PPL: variants seen among roughly 807,000 people sequenced by gnomAD.
PPL encodes 190 kDa paraneoplastic pemphigus antigen.
In PPL, 198 loss-of-function variants were observed where a neutral mutation model predicts 194.4. The observed-to-expected ratio is 1.02, with a 90% CI of 0.91 to 1.15. The LOEUF (loss-of-function observed/expected upper bound fraction) is 1.15, where lower values mean the gene tolerates loss of function less well. Among genes scored for constraint, PPL ranks in the 50% most tolerant of loss-of-function variants. The pLI is 0.00. For synonymous variants in PPL, 1,220 were observed against 972.4 expected (o/e 1.25, Z -4.74); for missense variants, 2,885 against 2,294.8 (o/e 1.26, Z -5.25).
Position 4,883,312 on chromosome 16 carries a change from G to A in PPL, c.*72C>T, listed in dbSNP as rs1348473345. ...CCTGCACCAGGGCAAGGGAGAGGAC[G>A]ACACCAAGGAGGTCACTGCGTCGTA... On this transcript the variant is annotated 3_prime_UTR_variant, in exon 22 of 22. Coordinates refer to ENST00000345988, the MANE Select transcript of PPL (RefSeq NM_002705.5). The surrounding 1 kb of genome is among the most constrained non-coding windows in gnomAD (Gnocchi z 4.8). 53 of 1,594,982 alleles carry A rather than the reference G, an allele frequency of 3.3e-5. 1 individual carries two copies. Among genetic ancestry groups the A allele is most frequent in the South Asian group, 3.2e-4 (29 of 90,118 alleles).
chr16:4,931,798 C>A (rs984750160), intron 1 of PPL, among the ~76,000 whole-genome samples: 1 of 152,166 alleles, frequency 6.6e-6, no homozygotes, highest in African/African-American at 2.4e-5. Context: ...AGTCTCTCCC[C>A]CAAAATACCC....
At position 4,900,722 on chromosome 16, in the gene PPL, G is replaced by A. The variant is rs1473387427; in HGVS notation, c.606+108C>T. 8.1e-6 allele frequency: 12 copies of A among 1,483,178 alleles called. No homozygotes were observed. The South Asian group carries it at 9.6e-5, about 12-fold the overall frequency. The allele number at this position is 1,483,178 out of a possible 1,614,324, so 91.9% of individuals were successfully genotyped here. On this transcript the variant is annotated intron_variant, in intron 6 of 21. Transcript: ENST00000345988. ...CAAAGTGCTAGGCGTGAGCCACCAT[G>A]CCCAGCTGCCTATGTCATTTTTAAA...
chr16:4,902,292 A>G lies in PPL; in HGVS notation c.438+114T>C. ...ACACTGGAAAACCATCAGGACCACG[A>G]CTGTCTCCCTGGTAAGACCCGGGAT... On this transcript the variant is annotated intron_variant, in intron 4 of 21. Transcript: ENST00000345988. The surrounding 1 kb of genome is among the most constrained non-coding windows in gnomAD (Gnocchi z 4.0). The G allele has an allele frequency of 1.3e-6, 2 of 1,489,382 alleles. No individual in the cohort carries two copies. The highest frequency in any genetic ancestry group is 1.3e-5 in the South Asian group (1 of 76,154). The allele number at this position is 1,489,382 out of a possible 1,614,324, so 92.3% of individuals were successfully genotyped here.
At position 4,888,949 on chromosome 16, in the gene PPL, G is replaced by C. The variant is rs376522828; in HGVS notation, c.2397+29C>G. The stretch of plus-strand genomic sequence containing the variant: ...CGGTGGAATAAGACCCCTGCTGTTT[G>C]TGCTTTGGGCGGAAGTTTCCCGGCT... On this transcript the variant is annotated intron_variant, in intron 19 of 21. Transcript: ENST00000345988. 1.2e-5 allele frequency: 19 copies of C among 1,604,980 alleles called. No homozygotes were observed. In the African/African-American group the frequency reaches 2.0e-4, roughly 17 times the overall value.
chr16:4,936,567 C>T (rs1417252581), intron 1 of PPL, among the ~76,000 whole-genome samples: 1 of 152,210 alleles, frequency 6.6e-6, no homozygotes, highest in Non-Finnish European at 1.5e-5. Flanking sequence ...GGGTCGCCCG[C>T]AGCGACCCCG....
At position 4,892,031 on chromosome 16, in the gene PPL, C is replaced by T. The variant is rs2088329472; in HGVS notation, c.1829+4G>A. ...AACCTCCATGCTGCCTGTCTGCCAC[C>T]CACTTCTCCTGGGCCAAGTCCAGCA... On this transcript the variant is annotated splice_donor_region_variant and intron_variant, in intron 15 of 21. Transcript: ENST00000345988. 1 of 1,612,694 alleles carries T rather than the reference C, an allele frequency of 6.2e-7. No homozygotes were observed. The highest frequency in any genetic ancestry group is 8.5e-7 in the Non-Finnish European group (1 of 1,179,228).
Position 4,884,059 on chromosome 16 carries a change from C to G in PPL, c.4596G>C (p.Glu1532Asp). 6.2e-7 allele frequency: 1 copy of G among 1,613,362 alleles called. No homozygotes were observed. Among genetic ancestry groups the G allele is most frequent in the Non-Finnish European group, 8.5e-7 (1 of 1,180,010 alleles). Residue 1532 changes from glutamate to aspartate, a missense_variant, in exon 22 of 22, where the codon GAG (glutamate) becomes GAC (aspartate). Coordinates refer to ENST00000345988, the MANE Select transcript of PPL (RefSeq NM_002705.5). The surrounding 1 kb of genome is among the most constrained non-coding windows in gnomAD (Gnocchi z 5.7). ...SLEEESRSKRELDVEVSRLEA... is the reference protein window; with the variant it reads ...SLEEESRSKRDLDVEVSRLEA... ...CCAGCCGGCTCACCTCGACGTCCAG[C>G]TCGCGCTTGCTGCGGCTCTCCTCCT...
At chr16:4,904,547 G>A (rs1418520991) in intron 2 of PPL, among the ~76,000 whole-genome samples, 1 of 152,224 alleles carries the variant, frequency 6.6e-6, no homozygotes, top group Non-Finnish European at 1.5e-5. Context: ...GGAGACACAA[G>A]CTAAGAACAA....
Position 4,885,593 on chromosome 16 carries a change from C to T in PPL, c.3062G>A (p.Arg1021Lys), listed in dbSNP as rs776452155. 11 of 1,612,538 alleles carry T rather than the reference C, an allele frequency of 6.8e-6. No individual in the cohort carries two copies. Among genetic ancestry groups the T allele is most frequent in the Non-Finnish European group, 9.3e-6 (11 of 1,179,946 alleles). ...LQLREELEAL[R>K]RQKGAREAEV... is the part of the protein sequence containing the mutation. ...TGCCTCCCGGGCGCCCTTCTGCCGC[C>T]TCAGTGCCTCCAGCTCCTCCCGCAG... Residue 1021 changes from arginine to lysine, a missense_variant, in exon 22 of 22, where the codon AGG becomes AAG. By Grantham distance (26) the Arg-to-Lys change is conservative. Transcript: ENST00000345988. This position sits in a 1 kb window ranked among gnomAD's most constrained non-coding sequence, Gnocchi z 6.3.
chr16:4,911,713 C>A (rs531409732), intron 1 of PPL, among the ~76,000 whole-genome samples: 1 of 151,128 alleles, frequency 6.6e-6, no homozygotes, highest in Admixed American at 6.6e-5. Flanking sequence ...TTTTACATTT[C>A]TTTTGGTAGA....
At chr16:4,903,546 C>T (rs1433560060) in intron 3 of PPL, among the ~76,000 whole-genome samples, 2 of 151,970 alleles carry the variant, frequency 1.3e-5, no homozygotes, top group Admixed American at 6.6e-5. Flanking sequence ...ATGGAGAAAC[C>T]CTGTCTCTAC....
At chr16:4,909,425 T>C (rs1340380497) in intron 2 of PPL, among the ~76,000 whole-genome samples, 1 of 85,052 alleles carries the variant, frequency 1.2e-5, no homozygotes, top group Admixed American at 1.3e-4. Context: ...TGGTCCCACC[T>C]TTTTTTTTTT....
rs1234446707 is a variant in PPL at position 4,902,399 on chromosome 16, G to A, written c.438+7C>T. ...CCCTGGAGCCAGCGGCCCCGTCCAGGCCATACCAGCTTCTCCTCCACCAGT... is the reference window on the plus strand; with the variant it reads ...CCCTGGAGCCAGCGGCCCCGTCCAGACCATACCAGCTTCTCCTCCACCAGT... On this transcript the variant is annotated splice_region_variant and intron_variant, in intron 4 of 21. Coordinates refer to ENST00000345988, the MANE Select transcript of PPL (RefSeq NM_002705.5). The surrounding 1 kb of genome is among the most constrained non-coding windows in gnomAD (Gnocchi z 4.0). 2.5e-6 allele frequency: 4 copies of A among 1,613,658 alleles called. No homozygotes were observed. The highest frequency in any genetic ancestry group is 2.2e-5 in the East Asian group (1 of 44,888).
intron 1 of PPL, among the ~76,000 whole-genome samples, chr16:4,915,912 C>G (rs2088907406): frequency 6.6e-6 from 1 of 152,194 alleles, no homozygotes; most frequent in Non-Finnish European, 1.5e-5. Flanking sequence ...AGGCCCTTAA[C>G]AATTCCATGT....
chr16:4,891,868 C>G lies in PPL; in HGVS notation c.1911G>C (p.Gln637His), dbSNP rs2088325214. ...LLATHENHLN[Q>H]DDTVPESSRV... ...GGCTGCTCTCAGGCACTGTGTCATC[C>G]TGATTCAGATGGTTCTCGTGTGTGG... The change falls in exon 16 of 22, where the codon CAG (glutamine) becomes CAC (histidine). Residue 637 changes from glutamine (Q) to histidine (H), a missense_variant. Coordinates refer to ENST00000345988, the MANE Select transcript of PPL (RefSeq NM_002705.5). The G allele has an allele frequency of 1.2e-6, 2 of 1,613,516 alleles. No homozygotes were observed. Among genetic ancestry groups the G allele is most frequent in the African/African-American group, 1.3e-5 (1 of 74,928 alleles).
rs1200716920 is a variant in PPL, at chr16:4,935,767, G to T, written c.62+1217C>A. ...CCTGTCCGACTGGTCGGCCTAGGCCGGACTGCAGGGGTTGAGTGGGAGCCC... is the reference window on the plus strand; with the variant it reads ...CCTGTCCGACTGGTCGGCCTAGGCCTGACTGCAGGGGTTGAGTGGGAGCCC... On this transcript the variant is annotated intron_variant, in intron 1 of 21. Transcript: ENST00000345988. Among the ~76,000 whole-genome samples the T allele has an allele frequency of 2.0e-5, 3 of 152,206 alleles. No individual in the cohort carries two copies. In the East Asian group the frequency reaches 5.8e-4, roughly 29 times the overall value.
At chr16:4,888,615 T>C (rs1477711235) in intron 19 of PPL, 18 of 328,762 alleles carry the variant, frequency 5.5e-5, no homozygotes, top group Non-Finnish European at 3.9e-5. Context: ...GTGTGCTGAT[T>C]CACGCAGCTT....
chr16:4,897,597 C>T, intron 9 of PPL, 78 bp downstream of exon 9: 2 of 1,170,702 alleles, frequency 1.7e-6, no homozygotes, highest in South Asian at 1.3e-5. Flanking sequence ...CGAGGCCACA[C>T]ATGAGCCAGG....
intron 15 of PPL, 23 bp from the exon 16 acceptor site, chr16:4,891,972 G>C (rs753160998): frequency 6.2e-7 from 1 of 1,610,722 alleles, no homozygotes; most frequent in Non-Finnish European, 8.5e-7. Flanking sequence ...ATCAGGCGTC[G>C]GGGGATGCCC....
Sources: allele counts gnomAD v4.1 joint callset (sites outside exome capture counted in the v4.1 genomes callset), GRCh38; gene constraint gnomAD v4.1.1; non-coding constraint Gnocchi (gnomAD v3.1); transcripts MANE v1.5; gene names NCBI Gene and HGNC (gene_info 2026-07-23, HGNC 2026-07-21).